The following RAP1GDS1 variants were observed in gnomAD, a reference collection of about 807,000 sequenced individuals.
RAP1GDS1 encodes the protein RAP1, GTP-GDP dissociation stimulator 1.
In RAP1GDS1, 35 loss-of-function variants were observed where a neutral mutation model predicts 71.1. That is an observed-to-expected ratio of 0.49 (90% CI 0.38 to 0.65). RAP1GDS1 has a LOEUF of 0.65. Among genes scored for constraint, RAP1GDS1 ranks in the 30% least tolerant of loss-of-function variants. RAP1GDS1 has a pLI of 0.00. For synonymous variants in RAP1GDS1, 229 were observed against 243.1 expected (o/e 0.94, Z 0.54); for missense variants, 663 against 706.1 (o/e 0.94, Z 0.69).
At chr4:98,276,754 G>A (rs749413190) in intron 1 of RAP1GDS1, among the ~76,000 whole-genome samples, 81 of 152,286 alleles carry the variant, frequency 5.3e-4, no homozygotes, top group Non-Finnish European at 1.0e-3. Flanking sequence ...CCTGGAAAGG[G>A]ATTCCCTGTG....
chr4:98,432,107 A>G (rs1260208624), intron 12 of RAP1GDS1, among the ~76,000 whole-genome samples: 2 of 152,058 alleles, frequency 1.3e-5, no homozygotes, highest in African/African-American at 4.8e-5. Context: ...GACAGGCCCC[A>G]GTGTGTGATG....
At chr4:98,421,784 A>G (rs1411938468) in intron 12 of RAP1GDS1, among the ~76,000 whole-genome samples, 1 of 152,234 alleles carries the variant, frequency 6.6e-6, no homozygotes, top group Non-Finnish European at 1.5e-5. Context: ...TGTCTGGCAC[A>G]TGGTAGATAA....
chr4:98,425,966 T>G (rs746412644), intron 12 of RAP1GDS1, among the ~76,000 whole-genome samples: 2 of 152,100 alleles, frequency 1.3e-5, no homozygotes, highest in Non-Finnish European at 2.9e-5. Context: ...ATAGACCATA[T>G]AATAGACCAC....
intron 1 of RAP1GDS1, among the ~76,000 whole-genome samples, chr4:98,284,168 TTG>T (rs1725634577): frequency 6.6e-6 from 1 of 151,982 alleles, no homozygotes; most frequent in Non-Finnish European, 1.5e-5. Flanking sequence ...CACAAGGGAG[TTG>T]GAAATAGTAC....
At chr4:98,379,852 C>G (rs1340884305) in intron 5 of RAP1GDS1, among the ~76,000 whole-genome samples, 1 of 151,584 alleles carries the variant, frequency 6.6e-6, no homozygotes, top group Non-Finnish European at 1.5e-5. Flanking sequence ...ATCAGACATT[C>G]AAATTTTGGT....
At chr4:98,299,739 A>G (rs1035167316) in intron 2 of RAP1GDS1, among the ~76,000 whole-genome samples, 1 of 151,096 alleles carries the variant, frequency 6.6e-6, no homozygotes, top group Non-Finnish European at 1.5e-5. Flanking sequence ...GGTTCAAGTG[A>G]TTCTTCTGCT....
At chr4:98,328,889 C>G (rs1033126012) in intron 2 of RAP1GDS1, among the ~76,000 whole-genome samples, 1 of 152,208 alleles carries the variant, frequency 6.6e-6, no homozygotes, top group Non-Finnish European at 1.5e-5. Context: ...GTGATTTGAT[C>G]ACACGGTATT....
chr4:98,302,873 T>A (rs1202816413), intron 2 of RAP1GDS1, among the ~76,000 whole-genome samples: 2 of 151,918 alleles, frequency 1.3e-5, no homozygotes, highest in Non-Finnish European at 2.9e-5. Context: ...TGGCAAAACC[T>A]CGTCTCTACT....
intron 5 of RAP1GDS1, among the ~76,000 whole-genome samples, chr4:98,382,390 C>T (rs1295415404): frequency 1.3e-5 from 2 of 151,478 alleles, no homozygotes; most frequent in Non-Finnish European, 3.0e-5. Context: ...TGAAAAAGCA[C>T]TCTTTGATTC....
chr4:98,313,664 G>A lies in RAP1GDS1; in HGVS notation c.112+20149G>A, dbSNP rs1377576285. 2.6e-5 allele frequency among the ~76,000 whole-genome samples: 4 copies of A among 152,058 alleles called. No individual in the cohort carries two copies. In the East Asian group the frequency reaches 7.7e-4, roughly 29 times the overall value. Reference sequence around the variant, plus strand: ...GTTCAAGATCAGCCTGGGCAACATAGTGAGACCTCATCGCCACAAAAAAAT... The same window carrying A: ...GTTCAAGATCAGCCTGGGCAACATAATGAGACCTCATCGCCACAAAAAAAT... On this transcript the variant is annotated intron_variant, in intron 2 of 14. Coordinates refer to ENST00000408927, the MANE Select transcript of RAP1GDS1 (RefSeq NM_001100427.2).
intron 1 of RAP1GDS1, among the ~76,000 whole-genome samples, chr4:98,287,635 A>G (rs1037059965): frequency 6.6e-6 from 1 of 152,192 alleles, no homozygotes; most frequent in African/African-American, 2.4e-5. Flanking sequence ...CATTTATGAA[A>G]TATAGTTTGG....
chr4:98,324,431 A>G (rs1486666100), intron 2 of RAP1GDS1, among the ~76,000 whole-genome samples: 4 of 151,846 alleles, frequency 2.6e-5, no homozygotes. Context: ...TTTAAAGTTC[A>G]TATGGAACCA....
intron 4 of RAP1GDS1, among the ~76,000 whole-genome samples, chr4:98,369,637 A>G (rs954468201): frequency 1.3e-5 from 2 of 152,230 alleles, no homozygotes; most frequent in Non-Finnish European, 2.9e-5. Flanking sequence ...ATTTCTATAA[A>G]ATGCAAAGTA....
intron 9 of RAP1GDS1, 83 bp downstream of exon 9, chr4:98,417,581 G>T (rs1402510908): frequency 2.2e-6 from 3 of 1,377,174 alleles, no homozygotes; most frequent in Non-Finnish European, 3.0e-6. Flanking sequence ...ACTAAAACTG[G>T]AACAGTTTAG....
In RAP1GDS1 at chr4:98,293,529, T is replaced by C. The variant is rs1727269749; in HGVS notation, c.112+14T>C. On this transcript the variant is annotated intron_variant, in intron 2 of 14. Coordinates refer to ENST00000408927, the MANE Select transcript of RAP1GDS1 (RefSeq NM_001100427.2). The stretch of plus-strand genomic sequence containing the variant: ...TGGCTCAAAATAGTAAGTTTCATTA[T>C]GTTTACTCAAATTCCAAAGAAGAAA... The C allele has an allele frequency of 1.3e-6, 2 of 1,571,860 alleles. No homozygotes were observed. The highest frequency in any genetic ancestry group is 4.5e-5 in the East Asian group (2 of 44,540).
intron 4 of RAP1GDS1, among the ~76,000 whole-genome samples, chr4:98,366,415 G>GGTA (rs1299470263): frequency 1.3e-5 from 2 of 152,012 alleles, no homozygotes; most frequent in African/African-American, 4.8e-5. Flanking sequence ...CTCAGTCTTG[G>GGTA]GTATGTCTTT....
intron 13 of RAP1GDS1, among the ~76,000 whole-genome samples, chr4:98,435,766 T>C (rs1751039700): frequency 6.6e-6 from 1 of 152,176 alleles, no homozygotes; most frequent in Non-Finnish European, 1.5e-5. Context: ...ATATTTTACA[T>C]TTAAGTCTGT....
intron 4 of RAP1GDS1, among the ~76,000 whole-genome samples, chr4:98,368,403 A>G (rs1008163688): frequency 3.3e-5 from 5 of 152,128 alleles, no homozygotes; most frequent in Non-Finnish European, 7.4e-5. Context: ...GATCCATATT[A>G]TGCACTGCTT....
rs776819407 is a variant in RAP1GDS1 at position 98,420,947 on chromosome 4, C to T, written c.1301-308C>T. Among the ~76,000 whole-genome samples, 5 of 152,168 alleles carry T rather than the reference C, an allele frequency of 3.3e-5. No individual in the cohort carries two copies. The South Asian group carries it at 8.3e-4, about 25-fold the overall frequency. On this transcript the variant is annotated intron_variant, in intron 11 of 14. Transcript: ENST00000408927. ...ATTTACTTATTTCTAAATTTTAAACCCTTTTCTATATTGATTGCATAGAGT... is the reference window on the plus strand; with the variant it reads ...ATTTACTTATTTCTAAATTTTAAACTCTTTTCTATATTGATTGCATAGAGT...
Sources: allele counts gnomAD v4.1 joint callset (sites outside exome capture counted in the v4.1 genomes callset), GRCh38; gene constraint gnomAD v4.1.1; transcripts MANE v1.5; gene names NCBI Gene and HGNC (gene_info 2026-07-23, HGNC 2026-07-21).